Variants in B3GALT1 observed in about 807,000 individuals in gnomAD.
B3GALT1 encodes beta-1,3-galactosyltransferase 1, also known as UDP-Gal:betaGlcNAc beta 1,3-galactosyltransferase, polypeptide 1.
In B3GALT1, 10 loss-of-function variants were observed where a neutral mutation model predicts 23.2. That is an observed-to-expected ratio of 0.43 (90% confidence interval 0.27 to 0.73). The LOEUF is 0.73. Among genes scored for constraint, B3GALT1 ranks in the 30% least tolerant of loss-of-function variants. The pLI is 0.21. For missense variants in B3GALT1, 299 were observed against 405.4 expected (o/e 0.74, Z 2.25); for synonymous variants, 156 against 141.5 (o/e 1.10, Z -0.73).
chr2:167,401,262 C>T (rs1187867962), intron 1 of B3GALT1, among the ~76,000 whole-genome samples: 1 of 152,074 alleles, frequency 6.6e-6, no homozygotes, highest in Non-Finnish European at 1.5e-5. Flanking sequence ...TTCCTTGTCC[C>T]TCTTCCTTCA....
chr2:167,849,926 T>C (rs546300385), intron 4 of B3GALT1, among the ~76,000 whole-genome samples: 2 of 148,776 alleles, frequency 1.3e-5, no homozygotes, highest in Admixed American at 1.3e-4. Flanking sequence ...ACCTAAGACC[T>C]GAAACTGCAA....
chr2:167,360,966 C>G (rs1192667228), intron 1 of B3GALT1, among the ~76,000 whole-genome samples: 1 of 152,138 alleles, frequency 6.6e-6, no homozygotes, highest in African/African-American at 2.4e-5. Context: ...CATTGTCTTT[C>G]TGTACCTGGC....
chr2:167,740,740 C>A (rs890707097), intron 3 of B3GALT1, among the ~76,000 whole-genome samples: 1 of 152,116 alleles, frequency 6.6e-6, no homozygotes, highest in Non-Finnish European at 1.5e-5. Flanking sequence ...TAAAAAATTT[C>A]TAGGAATAGT....
At chr2:167,847,290 A>G (rs1427902009) in intron 4 of B3GALT1, among the ~76,000 whole-genome samples, 2 of 152,212 alleles carry the variant, frequency 1.3e-5, no homozygotes, top group Non-Finnish European at 2.9e-5. Flanking sequence ...TACACATTCT[A>G]TTCAATGGCA....
At chr2:167,665,536 T>G (rs535531469) in intron 3 of B3GALT1, among the ~76,000 whole-genome samples, 2,129 of 151,114 alleles carry the variant, frequency 0.014, 46 homozygotes, top group African/African-American at 0.049. Flanking sequence ...TCAGAAGGAA[T>G]GGTACCAGTT....
chr2:167,611,004 G>A lies in B3GALT1; in HGVS notation c.-409-35905G>A, dbSNP rs376104551. Reference sequence around the variant, plus strand: ...GAACAGCAGACCCAAGAGCCTACTTGAGGGTGAAGGGTGGCTGGAGGGAGA... The same window carrying A: ...GAACAGCAGACCCAAGAGCCTACTTAAGGGTGAAGGGTGGCTGGAGGGAGA... On this transcript the variant is annotated intron_variant, in intron 2 of 4. Coordinates refer to ENST00000392690, the MANE Select transcript of B3GALT1 (RefSeq NM_020981.4). Among the ~76,000 whole-genome samples, 1,335 of 150,876 alleles carry A rather than the reference G, an allele frequency of 8.8e-3. 10 individuals carry two copies. Among genetic ancestry groups the A allele is most frequent in the South Asian group, 0.031 (147 of 4,752 alleles).
chr2:167,773,004 A>C (rs1014756044), intron 3 of B3GALT1, among the ~76,000 whole-genome samples: 1 of 152,232 alleles, frequency 6.6e-6, no homozygotes, highest in Non-Finnish European at 1.5e-5. Context: ...AAAGGAAAAT[A>C]TCCTATTAAT....
chr2:167,587,271 T>G (rs1302151146), intron 2 of B3GALT1, among the ~76,000 whole-genome samples: 1 of 152,230 alleles, frequency 6.6e-6, no homozygotes, highest in Non-Finnish European at 1.5e-5. Flanking sequence ...AACATATTTT[T>G]ACGTAAAATG....
intron 3 of B3GALT1, among the ~76,000 whole-genome samples, chr2:167,788,288 G>C (rs375066968): frequency 3.3e-5 from 5 of 150,136 alleles, no homozygotes; most frequent in South Asian, 2.2e-4. Flanking sequence ...GGGCGGGGGG[G>C]TGTTTTCGAG....
At chr2:167,714,134 A>G (rs1687105879) in intron 3 of B3GALT1, 10 of 1,526,360 alleles carry the variant, frequency 6.6e-6, no homozygotes, top group African/African-American at 1.4e-5. Flanking sequence ...CAAACAAGGC[A>G]TATTAAAACT....
chr2:167,429,851 G>A (rs6756322), intron 1 of B3GALT1, among the ~76,000 whole-genome samples: 124,307 of 152,190 alleles, frequency 0.82, 52,348 homozygotes, highest in East Asian at 0.92. Context: ...ATTTATGTTA[G>A]CCTCTAATGT....
intron 2 of B3GALT1, among the ~76,000 whole-genome samples, chr2:167,569,668 A>G (rs904723245): frequency 2.6e-5 from 4 of 151,698 alleles, no homozygotes; most frequent in South Asian, 2.1e-4. Flanking sequence ...TTCTTGTCCT[A>G]TTGTATCAGC....
chr2:167,755,535 G>A lies in B3GALT1; in HGVS notation c.-351-63137G>A, dbSNP rs558162590. On this transcript the variant is annotated intron_variant, in intron 3 of 4. Coordinates refer to ENST00000392690, the MANE Select transcript of B3GALT1 (RefSeq NM_020981.4). Reference sequence around the variant, plus strand: ...TGAGGAAGGGAGGCAGGATATTTTGGAGGGAAAGGGAGGCAAACCTCACCC... The same window carrying A: ...TGAGGAAGGGAGGCAGGATATTTTGAAGGGAAAGGGAGGCAAACCTCACCC... Among the ~76,000 whole-genome samples the A allele has an allele frequency of 6.7e-5, 10 of 149,338 alleles. No homozygotes were observed. The South Asian group carries it at 2.1e-3, about 32-fold the overall frequency.
chr2:167,624,878 T>C (rs1685314088), intron 2 of B3GALT1, among the ~76,000 whole-genome samples: 1 of 152,036 alleles, frequency 6.6e-6, no homozygotes, highest in Admixed American at 6.6e-5. Context: ...TTAACTACTT[T>C]ATGGAAAAAA....
chr2:167,765,676 C>G (rs1343423407), intron 3 of B3GALT1, among the ~76,000 whole-genome samples: 1 of 152,036 alleles, frequency 6.6e-6, no homozygotes, highest in Non-Finnish European at 1.5e-5. Context: ...ATTTTCATGA[C>G]AAAAGGATAC....
chr2:167,583,364 C>T (rs575680791), intron 2 of B3GALT1, among the ~76,000 whole-genome samples: 57 of 152,158 alleles, frequency 3.7e-4, no homozygotes, highest in Non-Finnish European at 6.2e-4. Flanking sequence ...CTGTCATTTT[C>T]GTGATTAGAG....
intron 2 of B3GALT1, among the ~76,000 whole-genome samples, chr2:167,571,553 C>A (rs1487572288): frequency 1.3e-5 from 2 of 151,862 alleles, no homozygotes; most frequent in African/African-American, 4.8e-5. Context: ...CATAGCACCT[C>A]ACACAGAGGG....
At position 167,869,363 on chromosome 2, in the gene B3GALT1, G is replaced by A. The variant is rs779156495; in HGVS notation, c.324G>A (p.Lys108=). The change falls in exon 5 of 5, where the codon AAG becomes AAA. Residue 108 remains lysine (K), a synonymous_variant. Transcript: ENST00000392690. The surrounding 1 kb of genome is among the most constrained non-coding windows in gnomAD (Gnocchi z 6.4). ...CGTGGGGGGATGAGAACAACTTTAA[G>A]GGGATCAAGATAGCCACCCTGTTCC... is the stretch of plus-strand genomic sequence containing the variant. ...RETWGDENNF[K]GIKIATLFLL... is the part of the protein sequence containing the mutation. 1.2e-6 allele frequency: 2 copies of A among 1,613,992 alleles called. No individual in the cohort carries two copies. Among genetic ancestry groups the A allele is most frequent in the Non-Finnish European group, 1.7e-6 (2 of 1,180,030 alleles).
At chr2:167,568,019 T>C (rs1438386935) in intron 2 of B3GALT1, among the ~76,000 whole-genome samples, 1 of 152,104 alleles carries the variant, frequency 6.6e-6, no homozygotes, top group African/African-American at 2.4e-5. Flanking sequence ...TTTTACTTAG[T>C]AATATGCGTT....
Sources: gnomAD v4.1 joint callset for allele counts (sites outside exome capture counted in the v4.1 genomes callset) on GRCh38, gnomAD v4.1.1 for gene constraint, Gnocchi (gnomAD v3.1) non-coding constraint, MANE v1.5 for transcripts, NCBI Gene and HGNC (gene_info 2026-07-23, HGNC 2026-07-21) for gene names.